The following PACSIN2 variants were observed in gnomAD, a reference collection of about 807,000 sequenced individuals.
The protein encoded by PACSIN2 is protein kinase C and casein kinase substrate in neurons protein 2.
PACSIN2 carries 25 observed loss-of-function variants against 63.8 expected under a neutral mutation model. The ratio of observed to expected loss-of-function variants is 0.39; its 90% CI spans 0.29 to 0.55. The LOEUF (loss-of-function observed/expected upper bound fraction) is 0.55. Ranked by LOEUF, PACSIN2 falls within the 20% of genes least tolerant of loss-of-function variation. The pLI, the probability that PACSIN2 is intolerant of heterozygous loss-of-function variation, is 0.62. For synonymous variants in PACSIN2, 255 were observed against 256.2 expected (o/e 1.00, Z 0.05); for missense variants, 518 against 646.9 (o/e 0.80, Z 2.16).
intron 1 of PACSIN2, among the ~76,000 whole-genome samples, chr22:42,940,681 C>T (rs1333221549): frequency 2.6e-5 from 4 of 152,196 alleles, no homozygotes; most frequent in Non-Finnish European, 4.4e-5. Context: ...CCTGCCACCG[C>T]CACCACCTCC....
At position 42,890,983 on chromosome 22, in the gene PACSIN2, C is replaced by T; in HGVS notation, c.417G>A (p.Arg139=). Residue 139 remains arginine, a synonymous_variant, in exon 4 of 11, where the codon CGG becomes CGA. Transcript: ENST00000263246. Reference sequence around the variant, plus strand: ...TCTTGGCCCAGGGCTTCTGTGCCTTCCGAAAGCCGTCCTCAGCTTCCTTGG... The same window carrying T: ...TCTTGGCCCAGGGCTTCTGTGCCTTTCGAAAGCCGTCCTCAGCTTCCTTGG... ...KETKEAEDGF[R]KAQKPWAKKL... is the part of the protein sequence containing the mutation. The T allele has an allele frequency of 6.2e-7, 1 of 1,614,174 alleles. No homozygotes were observed. Among genetic ancestry groups the T allele is most frequent in the Non-Finnish European group, 8.5e-7 (1 of 1,180,028 alleles).
In PACSIN2 at chr22:42,870,385, C is replaced by A. The variant is rs1365407580; in HGVS notation, c.*972G>T. 2 of 152,188 alleles carry A rather than the reference C, an allele frequency of 1.3e-5. No individual in the cohort carries two copies. Among genetic ancestry groups the A allele is most frequent in the Non-Finnish European group, 2.9e-5 (2 of 68,030 alleles). The allele number at this position is 152,188 out of a possible 1,614,324, so 9.4% of individuals were successfully genotyped here. Reference sequence around the variant, plus strand: ...GTGCCTGAATGCCACAGACTTCAAGCAGTTTACAAACGAAACTCACTGTTA... The same window carrying A: ...GTGCCTGAATGCCACAGACTTCAAGAAGTTTACAAACGAAACTCACTGTTA... On this transcript the variant is annotated 3_prime_UTR_variant, in exon 11 of 11. Coordinates refer to ENST00000263246, the MANE Select transcript of PACSIN2 (RefSeq NM_001184970.3).
intron 1 of PACSIN2, among the ~76,000 whole-genome samples, chr22:42,983,979 T>C: frequency 6.7e-6 from 1 of 148,598 alleles, no homozygotes; most frequent in East Asian, 2.0e-4. Flanking sequence ...TTTTTTTTTT[T>C]TTTTTTTTTG....
chr22:42,882,287 T>C lies in PACSIN2; in HGVS notation c.803A>G (p.His268Arg), dbSNP rs1929139119. The C allele has an allele frequency of 1.2e-6, 2 of 1,612,696 alleles. No homozygotes were observed. Among genetic ancestry groups the C allele is most frequent in the Non-Finnish European group, 1.7e-6 (2 of 1,179,340 alleles). Residue 268 changes from histidine (H) to arginine (R), a missense_variant, in exon 7 of 11, where the codon CAT (histidine) becomes CGT (arginine). By Grantham distance (29) the His-to-Arg change is conservative. Coordinates refer to ENST00000263246, the MANE Select transcript of PACSIN2 (RefSeq NM_001184970.3). ...TGCTCTGATGCTCTGCTCCAGGTCA[T>C]GGTAAATGGCTTTGTAGCTAAATCA... The part of the protein sequence containing the change: ...SNVAGYKAIY[H>R]DLEQSIRAAD...
chr22:42,970,559 T>G (rs992492628), intron 1 of PACSIN2, among the ~76,000 whole-genome samples: 1 of 152,250 alleles, frequency 6.6e-6, no homozygotes, highest in Non-Finnish European at 1.5e-5. Flanking sequence ...TTGCAACTTT[T>G]CTGCACATAT....
Position 42,912,119 on chromosome 22 carries a change from CAG to C in PACSIN2, c.-41_-40del. The C allele has an allele frequency of 6.9e-7, 1 of 1,456,448 alleles. No homozygotes were observed. Among genetic ancestry groups the C allele is most frequent in the Non-Finnish European group, 9.4e-7 (1 of 1,062,238 alleles). 90.2% of individuals were successfully genotyped at this position (1,456,448 alleles called of 1,614,324 possible). Reference sequence around the variant, plus strand: ...GAGGGAGCAGCAAAGTATACTTAGTCAGGGGTCAACTTCGAACGCTCAAAATC... The same window carrying C: ...GAGGGAGCAGCAAAGTATACTTAGTCGGGTCAACTTCGAACGCTCAAAATC... On this transcript the variant is annotated 5_prime_UTR_variant, in exon 2 of 11. Transcript: ENST00000263246.
rs555952718 is a variant in PACSIN2, at chr22:42,928,698, A to T, written c.-77-16541T>A. 5.3e-5 allele frequency among the ~76,000 whole-genome samples: 8 copies of T among 152,314 alleles called. No individual in the cohort carries two copies. In the South Asian group the frequency reaches 1.2e-3, roughly 24 times the overall value. Reference sequence around the variant, plus strand: ...GCTGGTGAAGGGAATCACTGGGTATACCCTACCTGGAACACCAAATTTAAG... The same window carrying T: ...GCTGGTGAAGGGAATCACTGGGTATTCCCTACCTGGAACACCAAATTTAAG... On this transcript the variant is annotated intron_variant, in intron 1 of 10. Transcript: ENST00000263246.
chr22:42,891,263 G>A (rs991904391), intron 3 of PACSIN2, 81 bp from the exon 4 acceptor site: 10 of 867,800 alleles, frequency 1.2e-5, no homozygotes, highest in African/African-American at 1.7e-5. Context: ...GCTGTTCAAT[G>A]TGGCCATTTA....
intron 4 of PACSIN2, 82 bp downstream of exon 4, chr22:42,890,865 G>A: frequency 9.1e-7 from 1 of 1,103,308 alleles, no homozygotes; most frequent in Non-Finnish European, 1.3e-6. Context: ...GTGGCAGGAA[G>A]TCCTAGGTGC....
chr22:42,944,935 T>C (rs1485550695), intron 1 of PACSIN2, among the ~76,000 whole-genome samples: 3 of 151,998 alleles, frequency 2.0e-5, no homozygotes, highest in Non-Finnish European at 2.9e-5. Context: ...CTATGTCTAC[T>C]AAAAATACAA....
chr22:42,990,508 C>T (rs1922969631), intron 1 of PACSIN2, among the ~76,000 whole-genome samples: 1 of 152,134 alleles, frequency 6.6e-6, no homozygotes, highest in Admixed American at 6.5e-5. Flanking sequence ...GGGGGTGGAC[C>T]ATCCACTCTG....
intron 1 of PACSIN2, among the ~76,000 whole-genome samples, chr22:42,922,562 C>G (rs929118998): frequency 6.6e-6 from 1 of 152,334 alleles, no homozygotes; most frequent in African/African-American, 2.4e-5. Context: ...GGGTTCTGGC[C>G]GCTCCACAGG....
intron 1 of PACSIN2, among the ~76,000 whole-genome samples, chr22:43,001,031 G>A (rs1923733625): frequency 1.3e-5 from 2 of 152,178 alleles, no homozygotes; most frequent in Admixed American, 6.5e-5. Flanking sequence ...CTTGGGCCCC[G>A]TCCGACCTCA....
chr22:42,910,275 T>C (rs186589620), intron 2 of PACSIN2, among the ~76,000 whole-genome samples: 3 of 152,160 alleles, frequency 2.0e-5, no homozygotes, highest in Non-Finnish European at 1.5e-5. Flanking sequence ...CAGCCAGCAA[T>C]GTCACTACAG....
At chr22:42,954,371 C>T (rs2056946) in intron 1 of PACSIN2, among the ~76,000 whole-genome samples, 1 of 152,062 alleles carries the variant, frequency 6.6e-6, no homozygotes, top group African/African-American at 2.4e-5. Context: ...GCTATTAACA[C>T]TTAAAAAGTA....
intron 2 of PACSIN2, chr22:42,909,464 T>G: frequency 2.1e-6 from 1 of 469,126 alleles, no homozygotes; most frequent in Non-Finnish European, 4.4e-6. Flanking sequence ...CACCTGAGTC[T>G]CTCAGATCCC....
chr22:42,961,383 C>T lies in PACSIN2; in HGVS notation c.-77-49226G>A, dbSNP rs546092477. ...TCACTTGTTTATCTGTTGACCTTCC[C>T]TCCACTATTGTCCTATGACCCTGCC... On this transcript the variant is annotated intron_variant, in intron 1 of 10. Transcript: ENST00000263246. 1.4e-4 allele frequency among the ~76,000 whole-genome samples: 21 copies of T among 151,750 alleles called. No individual in the cohort carries two copies. The South Asian group carries it at 4.4e-3, about 32-fold the overall frequency.
chr22:42,928,268 T>A (rs1932662829), intron 1 of PACSIN2, among the ~76,000 whole-genome samples: 1 of 152,214 alleles, frequency 6.6e-6, no homozygotes, highest in South Asian at 2.1e-4. Flanking sequence ...CTTAAAGTGA[T>A]TCACTGTCTC....
intron 1 of PACSIN2, among the ~76,000 whole-genome samples, chr22:42,950,800 T>G (rs1322403201): frequency 1.3e-5 from 2 of 152,244 alleles, no homozygotes; most frequent in Non-Finnish European, 2.9e-5. Flanking sequence ...GCAGCCTTAC[T>G]TACCGTATGC....
Sources: gnomAD v4.1 joint callset for allele counts (sites outside exome capture counted in the v4.1 genomes callset) on GRCh38, gnomAD v4.1.1 for gene constraint, MANE v1.5 for transcripts, NCBI Gene and HGNC (gene_info 2026-07-23, HGNC 2026-07-21) for gene names.